Variants in SLC47A2 observed in about 807,000 individuals in gnomAD.
SLC47A2 encodes the protein multidrug and toxin extrusion protein 2.
SLC47A2 carries 52 observed loss-of-function variants against 67.7 expected under a neutral mutation model. That is an observed-to-expected ratio of 0.77 (90% CI 0.61 to 0.97). The LOEUF (loss-of-function observed/expected upper bound fraction) is 0.97, where lower values mean the gene tolerates loss of function less well. SLC47A2 is among the 50% of genes least tolerant of loss of function. SLC47A2 has a pLI of 0.00. For missense variants in SLC47A2, 676 were observed against 712.3 expected (o/e 0.95, Z 0.58); for synonymous variants, 278 against 292.9 (o/e 0.95, Z 0.52).
At position 19,702,575 on chromosome 17, in the gene SLC47A2, A is replaced by G; in HGVS notation, c.1164+30T>C. ...CAAGTACATAAATCATGTCCCAGGGAGTCAGGCTTTGGATCAAAGTGGTAC... is the reference window on the plus strand; with the variant it reads ...CAAGTACATAAATCATGTCCCAGGGGGTCAGGCTTTGGATCAAAGTGGTAC... On this transcript the variant is annotated intron_variant, in intron 13 of 16. Coordinates refer to ENST00000433844, the MANE Select transcript of SLC47A2 (RefSeq NM_001099646.3). The G allele has an allele frequency of 1.2e-6, 2 of 1,612,768 alleles. 1 individual carries two copies. Among genetic ancestry groups the G allele is most frequent in the South Asian group, 2.2e-5 (2 of 90,564 alleles).
chr17:19,688,205 C>T (rs955974474), intron 13 of SLC47A2, among the ~76,000 whole-genome samples: 29 of 152,080 alleles, frequency 1.9e-4, no homozygotes, highest in Admixed American at 5.9e-4. Context: ...AAGGATGGTT[C>T]ATCATATGCA....
chr17:19,682,125 G>T (rs1430405660), intron 13 of SLC47A2, among the ~76,000 whole-genome samples: 1 of 152,120 alleles, frequency 6.6e-6, no homozygotes, highest in Admixed American at 6.5e-5. Flanking sequence ...CAGCACTTTA[G>T]GAGGCTGAGG....
intron 13 of SLC47A2, among the ~76,000 whole-genome samples, chr17:19,691,962 G>T (rs1190357651): frequency 2.0e-5 from 3 of 152,170 alleles, no homozygotes; most frequent in African/African-American, 7.2e-5. Flanking sequence ...TGGCGCAGTG[G>T]CTCACGCCTG....
intron 4 of SLC47A2, 46 bp downstream of exon 4, chr17:19,713,779 C>CG: frequency 6.3e-7 from 1 of 1,584,240 alleles, no homozygotes; most frequent in Non-Finnish European, 8.6e-7. Flanking sequence ...CTCGGCGGCC[C>CG]GGGTTTCCCA....
intron 10 of SLC47A2, 64 bp downstream of exon 10, chr17:19,705,372 C>A: frequency 1.3e-6 from 2 of 1,529,126 alleles, no homozygotes; most frequent in African/African-American, 1.4e-5. Context: ...GCCTGCCCCC[C>A]TCCTATGACA....
chr17:19,710,615 G>A (rs377241298), intron 5 of SLC47A2, among the ~76,000 whole-genome samples: 33 of 152,022 alleles, frequency 2.2e-4, no homozygotes, highest in African/African-American at 7.7e-4. Context: ...ATCATGCCCA[G>A]CTAATTTTTG....
chr17:19,705,189 G>T, intron 10 of SLC47A2: 1 of 486,170 alleles, frequency 2.1e-6, no homozygotes, highest in Non-Finnish European at 3.6e-6. Flanking sequence ...ATTTTAAAAT[G>T]ATACTAATTA....
At chr17:19,713,401 A>C (rs2086154669) in intron 4 of SLC47A2, among the ~76,000 whole-genome samples, 1 of 146,998 alleles carries the variant, frequency 6.8e-6, no homozygotes, top group South Asian at 2.1e-4. Context: ...TAATAATAAT[A>C]ATAATAATAA....
In SLC47A2 at chr17:19,713,858, AGGATGTGCT is replaced by A; in HGVS notation, c.401_409del (p.Gln134_Ile136del). The A allele has an allele frequency of 6.2e-7, 1 of 1,613,494 alleles. No individual in the cohort carries two copies. The highest frequency in any genetic ancestry group is 1.7e-5 in the Admixed American group (1 of 60,008). On this transcript the variant is annotated inframe_deletion, in exon 4 of 17. Transcript: ENST00000433844. ...GTCCGGGTCCTGCCGGAAGAGCAGC[AGGATGTGCT>A]GGGTGTTGAGGAAGAGCGCCCAGCA...
intron 13 of SLC47A2, among the ~76,000 whole-genome samples, chr17:19,694,742 C>G (rs149239657): frequency 0.023 from 3,473 of 151,938 alleles, 71 homozygotes; most frequent in African/African-American, 0.052. Flanking sequence ...ATGGTGAAAC[C>G]CCATCTCTAC....
intron 13 of SLC47A2, among the ~76,000 whole-genome samples, chr17:19,686,155 A>G (rs1010499819): frequency 2.0e-5 from 3 of 152,076 alleles, no homozygotes; most frequent in African/African-American, 7.2e-5. Flanking sequence ...CCAGCTACTC[A>G]GGAGGCTGAG....
At chr17:19,714,993 G>A (rs1195022320) in intron 2 of SLC47A2, 123 bp downstream of exon 2, 14 of 1,287,010 alleles carry the variant, frequency 1.1e-5, no homozygotes, top group Non-Finnish European at 1.6e-5. Flanking sequence ...GAAGGCAGCT[G>A]TCCAGCCACG....
At position 19,706,765 on chromosome 17, in the gene SLC47A2, G is replaced by A. The variant is rs756143648; in HGVS notation, c.728-4C>T. ...TGCAGGCACTGGCTGGACCAACCTG[G>A]AAACAGAGGCCCCATGAGCTGACAG... On this transcript the variant is annotated splice_region_variant and splice_polypyrimidine_tract_variant and intron_variant, in intron 8 of 16. Coordinates refer to ENST00000433844, the MANE Select transcript of SLC47A2 (RefSeq NM_001099646.3). 1.2e-6 allele frequency: 2 copies of A among 1,601,156 alleles called. No homozygotes were observed. The highest frequency in any genetic ancestry group is 1.7e-6 in the Non-Finnish European group (2 of 1,176,032).
chr17:19,711,588 C>CAAAAAAAAAAAAAAAAAAAAAAAAAAAGA (rs2086098219), intron 5 of SLC47A2, among the ~76,000 whole-genome samples: 1 of 33,002 alleles, frequency 3.0e-5, no homozygotes, highest in African/African-American at 9.5e-5. Context: ...AACTCCGTCT[C>CAAAAAAAAAAAAAAAAAAAAAAAAAAAGA]AAAAAAAAAA....
At position 19,715,182 on chromosome 17, in the gene SLC47A2, G is replaced by A. The variant is rs749257139; in HGVS notation, c.159C>T (p.Ile53=). 17 of 1,611,662 alleles carry A rather than the reference G, an allele frequency of 1.1e-5. No individual in the cohort carries two copies. The highest frequency in any genetic ancestry group is 3.3e-5 in the South Asian group (3 of 91,086). Residue 53 remains isoleucine (I), a synonymous_variant, in exon 2 of 17, where the codon ATC becomes ATT. Transcript: ENST00000433844. ...LFQVLTFMIY[I]VSTVFCGHLG... is the part of the protein sequence containing the mutation. ...GGTGCCCGCAGAACACAGTGCTCACGATGTAGATCATAAAAGTCAGCACCT... is the reference window on the plus strand; with the variant it reads ...GGTGCCCGCAGAACACAGTGCTCACAATGTAGATCATAAAAGTCAGCACCT...
At chr17:19,705,876 G>A (rs2085921340) in intron 9 of SLC47A2, among the ~76,000 whole-genome samples, 1 of 152,246 alleles carries the variant, frequency 6.6e-6, no homozygotes, top group South Asian at 2.1e-4. Flanking sequence ...AGGGATTACA[G>A]GCATGAGCCA....
upstream of SLC47A2, chr17:19,718,142 G>C (rs1210408366): frequency 6.6e-6 from 1 of 152,358 alleles, no homozygotes; most frequent in East Asian, 1.9e-4. Context: ...AAATCCTCCT[G>C]CATCCAGGGG....
intron 13 of SLC47A2, among the ~76,000 whole-genome samples, chr17:19,691,122 T>TAA (rs376243860): frequency 2.9e-5 from 4 of 136,582 alleles, no homozygotes; most frequent in Non-Finnish European, 4.8e-5. Context: ...AAACTCCGTC[T>TAA]AAAAAAAAAA....
In SLC47A2 at chr17:19,713,869, G is replaced by C. The variant is rs1384019246; in HGVS notation, c.399C>G (p.Thr133=). The C allele has an allele frequency of 6.2e-7, 1 of 1,613,560 alleles. No homozygotes were observed. The highest frequency in any genetic ancestry group is 1.3e-5 in the African/African-American group (1 of 74,936). The change falls in exon 4 of 17, where the codon ACC becomes ACG. Residue 133 remains threonine (T), a synonymous_variant. Transcript: ENST00000433844. ...CLPCWALFLN[T]QHILLLFRQD... ...GCCGGAAGAGCAGCAGGATGTGCTG[G>C]GTGTTGAGGAAGAGCGCCCAGCAAG...
Sources: allele counts gnomAD v4.1 joint callset (sites outside exome capture counted in the v4.1 genomes callset), GRCh38; gene constraint gnomAD v4.1.1; transcripts MANE v1.5; gene names NCBI Gene and HGNC (gene_info 2026-07-23, HGNC 2026-07-21).